The following NRG1 variants were observed in gnomAD, a reference collection of about 807,000 sequenced individuals.
The protein encoded by NRG1 is pro-neuregulin-1, membrane-bound isoform.
A neutral mutation model predicts 63.8 loss-of-function variants in NRG1; 18 were observed. The ratio of observed to expected loss-of-function variants is 0.28; its 90% CI spans 0.19 to 0.42. NRG1 has a LOEUF of 0.42. Ranked by LOEUF, NRG1 falls within the 10% of genes least tolerant of loss-of-function variation. The pLI, the probability that NRG1 is intolerant of heterozygous loss-of-function variation, is 1.00. For synonymous variants in NRG1, 302 were observed against 301.3 expected (o/e 1.00, Z -0.02); for missense variants, 762 against 814.7 (o/e 0.94, Z 0.79).
At chr8:31,873,857 T>C (rs1029374432) in intron 1 of NRG1, among the ~76,000 whole-genome samples, 1 of 152,208 alleles carries the variant, frequency 6.6e-6, no homozygotes, top group African/African-American at 2.4e-5. Context: ...TAGCACAGTC[T>C]ACCTATGTTA....
chr8:32,620,253 C>T (rs1187256916), intron 5 of NRG1, among the ~76,000 whole-genome samples: 1 of 152,134 alleles, frequency 6.6e-6, no homozygotes, highest in East Asian at 1.9e-4. Context: ...GAAAAGCGAA[C>T]TCTGCTTTTC....
At position 32,337,653 on chromosome 8, in the gene NRG1, CAAAAAAAAAAAAAAAAAAAA is replaced by C. The variant is rs71208174; in HGVS notation, c.38-258165_38-258146del. Among the ~76,000 whole-genome samples, 5 of 24,700 alleles carry C rather than the reference CAAAAAAAAAAAAAAAAAAAA, an allele frequency of 2.0e-4. 1 individual carries two copies. The Admixed American group carries it at 3.2e-3, about 16-fold the overall frequency. 16.2% of individuals were successfully genotyped at this position (24,700 alleles called of 152,430 possible). On this transcript the variant is annotated intron_variant, in intron 1 of 10. Coordinates refer to the NRG1 transcript ENST00000519301. ...GCTGAAGGAACAAAAAGAGTTATTG[CAAAAAAAAAAAAAAAAAAAA>C]AAAAAAAAAGCTGATGCAGTTAGGA...
intron 5 of NRG1, among the ~76,000 whole-genome samples, chr8:32,726,577 G>T (rs16879882): frequency 0.092 from 13,920 of 152,022 alleles, 2,147 homozygotes; most frequent in African/African-American, 0.32. Context: ...CCTTAGACAG[G>T]ATAATAAGAG....
chr8:32,620,250 G>A lies in NRG1; in HGVS notation c.502+3365G>A, dbSNP rs185543237. Reference sequence around the variant, plus strand: ...TAGTAAATCCCTGTATTTGAAAAGCGAACTCTGCTTTTCTAATGTGATTGT... The same window carrying A: ...TAGTAAATCCCTGTATTTGAAAAGCAAACTCTGCTTTTCTAATGTGATTGT... On this transcript the variant is annotated intron_variant, in intron 5 of 11. Coordinates refer to ENST00000356819, the Ensembl canonical transcript of NRG1. Among the ~76,000 whole-genome samples, 315 of 152,190 alleles carry A rather than the reference G, an allele frequency of 2.1e-3. 2 individuals are homozygous for A. Among genetic ancestry groups the A allele is most frequent in the Middle Eastern group, 6.8e-3 (2 of 294 alleles).
intron 1 of NRG1, among the ~76,000 whole-genome samples, chr8:32,125,869 A>G (rs896615902): frequency 1.3e-5 from 2 of 152,014 alleles, no homozygotes; most frequent in African/African-American, 4.8e-5. Context: ...TTGTCACAAT[A>G]TGATTTTGGG....
intron 1 of NRG1, among the ~76,000 whole-genome samples, chr8:32,015,078 A>G (rs2130052436): frequency 6.6e-6 from 1 of 152,204 alleles, no homozygotes; most frequent in Non-Finnish European, 1.5e-5. Flanking sequence ...CAGGATGATA[A>G]ATTTCTGTTG....
chr8:32,635,548 T>C (rs1290677619), intron 5 of NRG1, among the ~76,000 whole-genome samples: 3 of 152,186 alleles, frequency 2.0e-5, no homozygotes, highest in Non-Finnish European at 4.4e-5. Flanking sequence ...TGATTTTTTT[T>C]TTTGACAGTA....
chr8:32,750,911 T>A (rs1318846933), intron 7 of NRG1, among the ~76,000 whole-genome samples: 4 of 151,774 alleles, frequency 2.6e-5, no homozygotes, highest in African/African-American at 9.7e-5. Flanking sequence ...AAAAAAAAAA[T>A]TGTCCCACTT....
At chr8:31,911,575 G>T (rs1832947188) in intron 1 of NRG1, among the ~76,000 whole-genome samples, 1 of 152,162 alleles carries the variant, frequency 6.6e-6, no homozygotes, top group African/African-American at 2.4e-5. Context: ...CAGACTCTGG[G>T]TCTTACCAGA....
At chr8:31,734,163 C>CA (rs1235541737) in intron 1 of NRG1, among the ~76,000 whole-genome samples, 4 of 151,824 alleles carry the variant, frequency 2.6e-5, no homozygotes. Context: ...CCCATGTCTA[C>CA]AAAAAATTAA....
intron 1 of NRG1, among the ~76,000 whole-genome samples, chr8:31,846,366 A>G (rs755407740): frequency 2.6e-5 from 4 of 152,214 alleles, no homozygotes; most frequent in Admixed American, 6.5e-5. Context: ...CACACGAGGC[A>G]GTTTATCACG....
At chr8:31,919,744 A>G (rs1292028393) in intron 1 of NRG1, among the ~76,000 whole-genome samples, 1 of 152,142 alleles carries the variant, frequency 6.6e-6, no homozygotes, top group African/African-American at 2.4e-5. Flanking sequence ...GAAGGTGAAT[A>G]AGATGATTCT....
intron 5 of NRG1, among the ~76,000 whole-genome samples, chr8:32,713,636 A>G (rs1001775210): frequency 6.7e-6 from 1 of 148,612 alleles, no homozygotes; most frequent in Non-Finnish European, 1.5e-5. Flanking sequence ...GTGTGGCCAG[A>G]GTTTTCTGTT....
chr8:32,050,778 T>C (rs1252934743), intron 1 of NRG1, among the ~76,000 whole-genome samples: 1 of 152,070 alleles, frequency 6.6e-6, no homozygotes, highest in Non-Finnish European at 1.5e-5. Flanking sequence ...TTTGGGGAAT[T>C]TGGTATGAAG....
intron 1 of NRG1, among the ~76,000 whole-genome samples, chr8:31,877,151 A>C (rs1287552395): frequency 6.6e-6 from 1 of 152,098 alleles, no homozygotes; most frequent in East Asian, 1.9e-4. Flanking sequence ...TTGATAGAAG[A>C]ATATTTATTT....
At chr8:32,136,067 G>A (rs1023637882) in intron 1 of NRG1, among the ~76,000 whole-genome samples, 4 of 151,910 alleles carry the variant, frequency 2.6e-5, no homozygotes, top group African/African-American at 9.7e-5. Flanking sequence ...GGTGCCCTTT[G>A]CATTTTTGCT....
chr8:32,073,286 A>G (rs1826016784), intron 1 of NRG1, among the ~76,000 whole-genome samples: 1 of 152,204 alleles, frequency 6.6e-6, no homozygotes. Context: ...ACAGAGCTTT[A>G]TAGGATTTCA....
At chr8:32,223,756 G>A (rs1356432150) in intron 1 of NRG1, among the ~76,000 whole-genome samples, 1 of 152,020 alleles carries the variant, frequency 6.6e-6, no homozygotes, top group African/African-American at 2.4e-5. Context: ...AGCCTTGAGA[G>A]GAAAAAAGAG....
At chr8:32,619,542 G>C (rs1412087695) in intron 5 of NRG1, among the ~76,000 whole-genome samples, 1 of 152,164 alleles carries the variant, frequency 6.6e-6, no homozygotes, top group East Asian at 1.9e-4. Context: ...CTTTTGCTGA[G>C]AGCATAGTGG....
Sources: gnomAD v4.1 joint callset for allele counts (sites outside exome capture counted in the v4.1 genomes callset) on GRCh38, gnomAD v4.1.1 for gene constraint, MANE v1.5 for transcripts, NCBI Gene and HGNC (gene_info 2026-07-23, HGNC 2026-07-21) for gene names.